The following FRMD4A variants were observed in gnomAD, a reference collection of about 807,000 sequenced individuals.
The protein encoded by FRMD4A is FERM domain-containing protein 4A.
FRMD4A carries 29 observed loss-of-function variants against 129.1 expected under a neutral mutation model. The observed-to-expected ratio is 0.22, with a 90% CI of 0.17 to 0.31. The LOEUF is 0.31. FRMD4A is among the 10% of genes least tolerant of loss of function. The pLI, the probability that FRMD4A is intolerant of heterozygous loss-of-function variation, is 1.00. For synonymous variants in FRMD4A, 634 were observed against 571.6 expected (o/e 1.11, Z -1.56); for missense variants, 1,272 against 1,375.8 (o/e 0.92, Z 1.19).
At position 14,041,116 on chromosome 10, in the gene FRMD4A, G is replaced by A. The variant is rs76504348; in HGVS notation, c.46-182204C>T. 8.5e-3 allele frequency among the ~76,000 whole-genome samples: 1,291 copies of A among 152,266 alleles called. 57 individuals carry two copies. In the East Asian group the frequency reaches 0.12, roughly 14 times the overall value. On this transcript the variant is annotated intron_variant, in intron 2 of 24. Transcript: ENST00000357447. ...CAACTTGCAGTACTTTGAAAAAGTC[G>A]TAGAGTATATGGGGTTATACTCGTT...
At chr10:14,069,881 C>A (rs1483139193) in intron 2 of FRMD4A, among the ~76,000 whole-genome samples, 1 of 152,082 alleles carries the variant, frequency 6.6e-6, no homozygotes, top group Non-Finnish European at 1.5e-5. Flanking sequence ...CCTTTATTTG[C>A]CTTTCTAACT....
intron 2 of FRMD4A, among the ~76,000 whole-genome samples, chr10:13,986,534 T>C (rs1291966609): frequency 7.2e-6 from 1 of 138,646 alleles, no homozygotes; most frequent in African/African-American, 2.6e-5. Context: ...CATTAGGAGA[T>C]ATACCTAATG....
intron 2 of FRMD4A, among the ~76,000 whole-genome samples, chr10:14,092,438 G>A (rs1330592233): frequency 6.6e-6 from 1 of 152,226 alleles, no homozygotes; most frequent in East Asian, 1.9e-4. Flanking sequence ...GGCAGGGCTG[G>A]GAATGGACTC....
Position 13,783,333 on chromosome 10 carries a change from T to C in FRMD4A, c.300-327A>G, listed in dbSNP as rs571450176. On this transcript the variant is annotated intron_variant, in intron 5 of 24. Transcript: ENST00000357447. ...ATAATTTTACATAATGTTATTTGTT[T>C]TCATCACATTGCTTGTTTGTCCTAA... Among the ~76,000 whole-genome samples, 4 of 152,372 alleles carry C rather than the reference T, an allele frequency of 2.6e-5. No homozygotes were observed. In the East Asian group the frequency reaches 5.8e-4, roughly 22 times the overall value.
At chr10:13,685,022 C>G in intron 15 of FRMD4A, 1 of 984,324 alleles carries the variant, frequency 1.0e-6, no homozygotes, top group South Asian at 4.7e-5. Flanking sequence ...CTTGACAAAT[C>G]CTCAGTGATG....
rs552302004 is a variant in FRMD4A, at chr10:14,321,625, C to A, written c.45+8433G>T. ...GCTAGAGCCTTATCCTGTGTAAAAT[C>A]AGGTACAACTGGAGAATTTTAGGCA... is the stretch of plus-strand genomic sequence containing the variant. On this transcript the variant is annotated intron_variant, in intron 2 of 24. Transcript: ENST00000357447. 6.6e-5 allele frequency among the ~76,000 whole-genome samples: 10 copies of A among 152,226 alleles called. No individual in the cohort carries two copies. In the South Asian group the frequency reaches 2.1e-3, roughly 32 times the overall value.
At chr10:14,060,104 C>T (rs1235207962) in intron 2 of FRMD4A, among the ~76,000 whole-genome samples, 1 of 152,200 alleles carries the variant, frequency 6.6e-6, no homozygotes, top group Non-Finnish European at 1.5e-5. Context: ...TTGCATCCTC[C>T]TTTTGAGCCC....
At chr10:14,174,192 A>G (rs1841614421) in intron 2 of FRMD4A, among the ~76,000 whole-genome samples, 1 of 151,698 alleles carries the variant, frequency 6.6e-6, no homozygotes, top group East Asian at 2.0e-4. Context: ...CACCCGGTCT[A>G]ACTTGAATCC....
At chr10:13,648,128 C>T (rs1304745500) in intron 24 of FRMD4A, 1 of 152,192 alleles carries the variant, frequency 6.6e-6, no homozygotes, top group African/African-American at 2.4e-5. Context: ...GCCTTAAAAT[C>T]CATGAAAGCT....
At chr10:13,959,730 G>A (rs1272207109) in intron 2 of FRMD4A, among the ~76,000 whole-genome samples, 3 of 152,054 alleles carry the variant, frequency 2.0e-5, no homozygotes, top group South Asian at 2.1e-4. Flanking sequence ...GTTTCTACCC[G>A]GGAGCACTGT....
chr10:14,110,218 A>G (rs1185252493), intron 2 of FRMD4A, among the ~76,000 whole-genome samples: 1 of 150,706 alleles, frequency 6.6e-6, no homozygotes, highest in Admixed American at 6.6e-5. Flanking sequence ...TTAAAAAAAA[A>G]ACAAGTATGC....
At chr10:13,936,848 T>TA (rs990322284) in intron 2 of FRMD4A, among the ~76,000 whole-genome samples, 6 of 152,222 alleles carry the variant, frequency 3.9e-5, no homozygotes, top group African/African-American at 1.4e-4. Context: ...ATTGATTTTT[T>TA]AAAAAACTCC....
At chr10:13,907,920 C>A (rs2094899054) in intron 2 of FRMD4A, among the ~76,000 whole-genome samples, 1 of 150,534 alleles carries the variant, frequency 6.6e-6, no homozygotes, top group East Asian at 2.0e-4. Context: ...AATGCCAGCA[C>A]TTTGGGAGGC....
intron 3 of FRMD4A, among the ~76,000 whole-genome samples, chr10:13,820,805 C>T (rs1031298135): frequency 5.3e-5 from 8 of 152,204 alleles, no homozygotes; most frequent in African/African-American, 1.4e-4. Flanking sequence ...CCACTCTGCC[C>T]GGGACCCCGG....
chr10:14,222,194 T>C (rs1167703507), intron 2 of FRMD4A, among the ~76,000 whole-genome samples: 1 of 152,250 alleles, frequency 6.6e-6, no homozygotes, highest in African/African-American at 2.4e-5. Context: ...TTATTCTTTG[T>C]GCATATAAAT....
At chr10:13,880,473 A>G (rs1199632671) in intron 2 of FRMD4A, among the ~76,000 whole-genome samples, 3 of 152,128 alleles carry the variant, frequency 2.0e-5, no homozygotes, top group Non-Finnish European at 4.4e-5. Context: ...CCACCTTGCA[A>G]TCTCACCCAC....
chr10:14,202,780 T>C (rs939486222), intron 2 of FRMD4A, among the ~76,000 whole-genome samples: 1 of 152,076 alleles, frequency 6.6e-6, no homozygotes, highest in African/African-American at 2.4e-5. Context: ...TGCTGAACAT[T>C]TTATTTTTTT....
intron 2 of FRMD4A, among the ~76,000 whole-genome samples, chr10:14,301,360 A>C (rs980360): frequency 0.32 from 47,984 of 152,078 alleles, 7,893 homozygotes; most frequent in Middle Eastern, 0.36. Context: ...GAACCCCTCA[A>C]ACTTGCAATT....
intron 2 of FRMD4A, among the ~76,000 whole-genome samples, chr10:14,152,657 C>A (rs1033346162): frequency 9.2e-5 from 14 of 151,994 alleles, no homozygotes; most frequent in Non-Finnish European, 2.1e-4. Context: ...GGCAACATAG[C>A]GAGACCCTGT....
Sources: gnomAD v4.1 joint callset for allele counts (sites outside exome capture counted in the v4.1 genomes callset) on GRCh38, gnomAD v4.1.1 for gene constraint, MANE v1.5 for transcripts, NCBI Gene and HGNC (gene_info 2026-07-23, HGNC 2026-07-21) for gene names.